DLGAP3: variants seen among roughly 807,000 people sequenced by gnomAD.
DLGAP3 encodes disks large-associated protein 3.
Under a neutral mutation model 81.2 loss-of-function variants are expected in DLGAP3, and 17 were observed. The ratio of observed to expected loss-of-function variants is 0.21; its 90% CI spans 0.14 to 0.31. The LOEUF is 0.31. DLGAP3 is among the 10% of genes least tolerant of loss of function. The pLI, the probability that DLGAP3 is intolerant of heterozygous loss-of-function variation, is 1.00. For missense variants in DLGAP3, 1,124 were observed against 1,388.0 expected (o/e 0.81, Z 3.02); for synonymous variants, 577 against 587.4 (o/e 0.98, Z 0.26).
Position 34,904,800 on chromosome 1 carries a change from T to G in DLGAP3, c.584A>C (p.Tyr195Ser). The change falls in exon 3 of 12, where the codon TAT (tyrosine) becomes TCT (serine). Residue 195 changes from tyrosine to serine, a missense_variant. By Grantham distance (144) the Tyr-to-Ser change is moderately radical. Coordinates refer to ENST00000373347, the MANE Select transcript of DLGAP3 (RefSeq NM_001080418.3). This position sits in a 1 kb window ranked among gnomAD's most constrained non-coding sequence, Gnocchi z 8.1. ...TCTTCCCTCAGCCTTGGGCCCATTA[T>G]AGTCCCGCTTCCCCGGCGCCTCCAG... ...HSLEAPGKRDYNGPKAEGRGG... is the reference protein window; with the variant it reads ...HSLEAPGKRDSNGPKAEGRGG... 6.2e-7 allele frequency: 1 copy of G among 1,610,690 alleles called. No individual in the cohort carries two copies. Among genetic ancestry groups the G allele is most frequent in the Non-Finnish European group, 8.5e-7 (1 of 1,179,996 alleles).
chr1:34,921,664 G>A (rs767563186), intron 1 of DLGAP3, among the ~76,000 whole-genome samples: 1 of 152,248 alleles, frequency 6.6e-6, no homozygotes, highest in Non-Finnish European at 1.5e-5. Context: ...TGAATGAATG[G>A]ATGCATTGGG....
Position 34,902,147 on chromosome 1 carries a change from G to A in DLGAP3, c.1108-1874C>T, listed in dbSNP as rs1352650491. ...CTTCGGAAAATGAGGTGTAAGTGAA[G>A]ACGTGGGGGAGAGGACTGGGGGAGG... is the stretch of plus-strand genomic sequence containing the variant. On this transcript the variant is annotated intron_variant, in intron 3 of 11. Coordinates refer to ENST00000373347, the MANE Select transcript of DLGAP3 (RefSeq NM_001080418.3). The surrounding 1 kb of genome is among the most constrained non-coding windows in gnomAD (Gnocchi z 4.4). 1.3e-5 allele frequency among the ~76,000 whole-genome samples: 2 copies of A among 152,094 alleles called. No individual in the cohort carries two copies. Among genetic ancestry groups the A allele is most frequent in the Non-Finnish European group, 2.9e-5 (2 of 68,026 alleles).
At chr1:34,881,524 G>T (rs1639144669) in intron 8 of DLGAP3, among the ~76,000 whole-genome samples, 1 of 152,012 alleles carries the variant, frequency 6.6e-6, no homozygotes, top group Non-Finnish European at 1.5e-5. Flanking sequence ...TGAACTTAAG[G>T]TCCCTAGACA....
At chr1:34,920,811 G>A (rs1446953682) in intron 1 of DLGAP3, among the ~76,000 whole-genome samples, 1 of 152,216 alleles carries the variant, frequency 6.6e-6, no homozygotes, top group African/African-American at 2.4e-5. Flanking sequence ...CAAAACAGAT[G>A]AAGCTCCCAT....
In DLGAP3 at chr1:34,865,619, G is replaced by A. The variant is rs1638859412; in HGVS notation, c.*464C>T. On this transcript the variant is annotated 3_prime_UTR_variant, in exon 12 of 12. Coordinates refer to ENST00000373347, the MANE Select transcript of DLGAP3 (RefSeq NM_001080418.3). The stretch of plus-strand genomic sequence containing the variant: ...TGGGCCCAGTGGGCAGAGGGCTGAG[G>A]ATGGAGCCCCTGGGAGGGTGGGGCG... The A allele has an allele frequency of 3.8e-6, 1 of 261,530 alleles. No individual in the cohort carries two copies. Among genetic ancestry groups the A allele is most frequent in the African/African-American group, 2.4e-5 (1 of 41,902 alleles). The allele number at this position is 261,530 out of a possible 1,614,324, so 16.2% of individuals were successfully genotyped here. A position where few individuals can be genotyped will look rare whatever the true frequency, so the allele number is the denominator to read the frequency against.
chr1:34,866,797 C>A (rs1192561726), intron 11 of DLGAP3, among the ~76,000 whole-genome samples: 3 of 152,222 alleles, frequency 2.0e-5, no homozygotes, highest in Non-Finnish European at 4.4e-5. Flanking sequence ...CCCCCAACCC[C>A]GCTCCCCCGC....
At chr1:34,899,199 G>A (rs1639418853) in intron 5 of DLGAP3, among the ~76,000 whole-genome samples, 1 of 151,576 alleles carries the variant, frequency 6.6e-6, no homozygotes, top group South Asian at 2.1e-4. Context: ...CTCCCGAGTA[G>A]CTGGGACTAC....
intron 5 of DLGAP3, among the ~76,000 whole-genome samples, chr1:34,896,582 CCA>C (rs1369034967): frequency 3.7e-5 from 5 of 136,962 alleles, no homozygotes; most frequent in Admixed American, 8.2e-5. Flanking sequence ...GAGCCAGACT[CCA>C]TCACACACAC....
chr1:34,894,620 G>C (rs2148406937), intron 5 of DLGAP3, among the ~76,000 whole-genome samples: 1 of 152,292 alleles, frequency 6.6e-6, no homozygotes, highest in South Asian at 2.1e-4. Context: ...TGTTAAGCTA[G>C]AATTCCCACA....
At chr1:34,871,027 G>T (rs1638970876) in intron 8 of DLGAP3, among the ~76,000 whole-genome samples, 2 of 152,078 alleles carry the variant, frequency 1.3e-5, no homozygotes, top group Admixed American at 6.5e-5. Context: ...AATTGCCAAG[G>T]TAGTTCCTCT....
chr1:34,866,049 G>A lies in DLGAP3; in HGVS notation c.*34C>T, dbSNP rs1389749792. 6.4e-7 allele frequency: 1 copy of A among 1,560,602 alleles called. No individual in the cohort carries two copies. The highest frequency in any genetic ancestry group is 1.4e-5 in the African/African-American group (1 of 74,000). On this transcript the variant is annotated 3_prime_UTR_variant, in exon 12 of 12. Transcript: ENST00000373347. ...GGGTGTACAGTACGGGTGGAGAACC[G>A]CGGGCCCGGGCCGGGCTGGGCGGGC... is the stretch of plus-strand genomic sequence containing the variant.
Position 34,866,297 on chromosome 1 carries a change from T to A in DLGAP3, c.2726A>T (p.Glu909Val). The A allele has an allele frequency of 6.6e-7, 1 of 1,522,118 alleles. No individual in the cohort carries two copies. The highest frequency in any genetic ancestry group is 8.8e-7 in the Non-Finnish European group (1 of 1,134,540). The allele number at this position is 1,522,118 out of a possible 1,614,324, so 94.3% of individuals were successfully genotyped here. Reference sequence around the variant, plus strand: ...TGGTATCGGCGGAGGGACCTTCTTCTCCTCCTGCGGGGCAGAGGGCGTCGC... The same window carrying A: ...TGGTATCGGCGGAGGGACCTTCTTCACCTCCTGCGGGGCAGAGGGCGTCGC... ...NSWKLLEPKE[E>V]KKVPPPIPKK... Residue 909 changes from glutamate to valine, a missense_variant, in exon 12 of 12, where the codon GAG becomes GTG. Glu to Val is a moderately radical substitution (Grantham distance 121). Coordinates refer to ENST00000373347, the MANE Select transcript of DLGAP3 (RefSeq NM_001080418.3).
intron 1 of DLGAP3, among the ~76,000 whole-genome samples, chr1:34,927,381 T>G (rs1463598088): frequency 6.6e-6 from 1 of 152,142 alleles, no homozygotes; most frequent in African/African-American, 2.4e-5. Context: ...TTCTTGGGGC[T>G]TCAGAGTCCC....
chr1:34,920,727 T>C (rs1437957780), intron 1 of DLGAP3, among the ~76,000 whole-genome samples: 1 of 152,194 alleles, frequency 6.6e-6, no homozygotes, highest in East Asian at 1.9e-4. Context: ...TAAAATTTCT[T>C]TATTCAACAA....
rs1262049871 is a variant in DLGAP3, at chr1:34,902,862, C to T, written c.1107+1415G>A. Among the ~76,000 whole-genome samples, 1 of 152,094 alleles carries T rather than the reference C, an allele frequency of 6.6e-6. No individual in the cohort carries two copies. The highest frequency in any genetic ancestry group is 1.5e-5 in the Non-Finnish European group (1 of 68,018). On this transcript the variant is annotated intron_variant, in intron 3 of 11. Coordinates refer to ENST00000373347, the MANE Select transcript of DLGAP3 (RefSeq NM_001080418.3). This position sits in a 1 kb window ranked among gnomAD's most constrained non-coding sequence, Gnocchi z 4.4. ...AGGGAGCAGCGAAATGGCAACAAGT[C>T]TTCAGGGATGGCAAGGAATCGGCTA...
In DLGAP3 at chr1:34,904,633, C is replaced by T; in HGVS notation, c.751G>A (p.Gly251Arg). 1 of 1,614,198 alleles carries T rather than the reference C, an allele frequency of 6.2e-7. No homozygotes were observed. The highest frequency in any genetic ancestry group is 8.5e-7 in the Non-Finnish European group (1 of 1,180,038). The change falls in exon 3 of 12, where the codon GGG (glycine) becomes AGG (arginine). Residue 251 changes from glycine to arginine, a missense_variant. This residue lies in a region of DLGAP3 where 357 missense variants were observed against 408.8 expected (regional missense o/e 0.87). Coordinates refer to ENST00000373347, the MANE Select transcript of DLGAP3 (RefSeq NM_001080418.3). This position sits in a 1 kb window ranked among gnomAD's most constrained non-coding sequence, Gnocchi z 8.1. ...RSKSKDRKGD[G>R]RHQAKSTGWW... The stretch of plus-strand genomic sequence containing the variant: ...CCTGTGGACTTGGCCTGGTGCCGCC[C>T]ATCCCCCTTGCGGTCCTTGCTCTTG...
intron 1 of DLGAP3, among the ~76,000 whole-genome samples, chr1:34,912,120 T>A (rs551605921): frequency 7.9e-5 from 12 of 152,208 alleles, no homozygotes; most frequent in East Asian, 1.9e-4. Context: ...GTATGAATGA[T>A]GTAAGGTTTA....
intron 3 of DLGAP3, among the ~76,000 whole-genome samples, chr1:34,901,724 G>C (rs1226695266): frequency 6.6e-6 from 1 of 152,222 alleles, no homozygotes; most frequent in Non-Finnish European, 1.5e-5. Context: ...GCCAGGACAT[G>C]TCAATGACAG....
chr1:34,913,482 C>T (rs763321431), intron 1 of DLGAP3, among the ~76,000 whole-genome samples: 7 of 152,214 alleles, frequency 4.6e-5, no homozygotes, highest in Non-Finnish European at 7.3e-5. Context: ...CCTGATCACT[C>T]GCTCCAACTA....
Sources: allele counts gnomAD v4.1 joint callset (sites outside exome capture counted in the v4.1 genomes callset), GRCh38; gene constraint gnomAD v4.1.1; regional missense constraint gnomAD v4.1.1; non-coding constraint Gnocchi (gnomAD v3.1); transcripts MANE v1.5; gene names NCBI Gene and HGNC (gene_info 2026-07-23, HGNC 2026-07-21).